TRAPPC9: variants seen among roughly 807,000 people sequenced by gnomAD.
TRAPPC9 encodes the protein IKK2 binding protein.
A neutral mutation model predicts 124.0 loss-of-function variants in TRAPPC9; 83 were observed. The observed-to-expected ratio is 0.67, with a 90% confidence interval of 0.56 to 0.80. The LOEUF is 0.80. Among genes scored for constraint, TRAPPC9 ranks in the 30% least tolerant of loss-of-function variants. TRAPPC9 has a pLI of 0.00. For synonymous variants in TRAPPC9, 638 were observed against 617.5 expected, an observed-to-expected ratio of 1.03 and a Z score of -0.49; for missense variants, 1,302 against 1,508.3, an observed-to-expected ratio of 0.86 and a Z score of 2.27.
intron 21 of TRAPPC9, among the ~76,000 whole-genome samples, chr8:139,866,764 C>CTGTG (rs139054349): frequency 0.018 from 2,747 of 151,232 alleles, 91 homozygotes; most frequent in African/African-American, 0.063. Context: ...GATGTTGAGG[C>CTGTG]TGTGTGTGTG....
chr8:140,056,849 T>C (rs1001780018), intron 17 of TRAPPC9, among the ~76,000 whole-genome samples: 1 of 151,662 alleles, frequency 6.6e-6, no homozygotes. Context: ...ATACAGAAAA[T>C]GAAACAACCA....
intron 4 of TRAPPC9, among the ~76,000 whole-genome samples, chr8:140,432,980 G>T (rs184491118): frequency 2.0e-5 from 3 of 151,842 alleles, no homozygotes. Flanking sequence ...CAATTTTGTT[G>T]AAATACAAAC....
rs1365199231 is a variant in TRAPPC9 at position 140,432,539 on chromosome 8, A to C, written c.859+2573T>G. ...TCCTAGTCCTTGGATTTTGCACTAT[A>C]CCAAAAGCCACCTTAATCTATACCA... On this transcript the variant is annotated intron_variant, in intron 4 of 22. Transcript: ENST00000438773. 3.3e-5 allele frequency among the ~76,000 whole-genome samples: 5 copies of C among 152,192 alleles called. No individual in the cohort carries two copies. The South Asian group carries it at 6.2e-4, about 19-fold the overall frequency.
At chr8:140,348,424 A>G (rs1456821793) in intron 9 of TRAPPC9, among the ~76,000 whole-genome samples, 1 of 152,238 alleles carries the variant, frequency 6.6e-6, no homozygotes, top group South Asian at 2.1e-4. Flanking sequence ...CACACACTCA[A>G]TTAGCAGCCC....
intron 16 of TRAPPC9, among the ~76,000 whole-genome samples, chr8:140,223,739 A>G (rs1315625343): frequency 4.9e-5 from 7 of 143,800 alleles, no homozygotes; most frequent in African/African-American, 1.5e-4. Context: ...ATAGTTCATA[A>G]TTTAAAAAAA....
intron 17 of TRAPPC9, among the ~76,000 whole-genome samples, chr8:140,057,239 G>C (rs902305435): frequency 5.3e-5 from 8 of 152,186 alleles, no homozygotes; most frequent in Non-Finnish European, 1.2e-4. Flanking sequence ...CTGATGGTGG[G>C]AATGGAAAAA....
chr8:140,122,023 T>TTCTCTCTCTCTC (rs533446141), intron 17 of TRAPPC9, among the ~76,000 whole-genome samples: 73 of 138,534 alleles, frequency 5.3e-4, no homozygotes, highest in African/African-American at 1.8e-3. Flanking sequence ...CTTTCTTTCT[T>TTCTCTCTCTCTC]TCTCTCTCTC....
intron 7 of TRAPPC9, among the ~76,000 whole-genome samples, chr8:140,382,860 C>T (rs1221166767): frequency 1.3e-5 from 2 of 152,126 alleles, no homozygotes; most frequent in Non-Finnish European, 2.9e-5. Flanking sequence ...CAGACTACCT[C>T]CTCAAGTGGG....
intron 17 of TRAPPC9, among the ~76,000 whole-genome samples, chr8:140,025,831 T>C (rs185729523): frequency 1.3e-5 from 2 of 152,356 alleles, no homozygotes; most frequent in African/African-American, 4.8e-5. Context: ...ATTCTTGTAA[T>C]GTGGCAAAGT....
chr8:140,071,336 T>G (rs747650632), intron 17 of TRAPPC9, among the ~76,000 whole-genome samples: 16 of 152,202 alleles, frequency 1.1e-4, no homozygotes, highest in Admixed American at 2.0e-4. Context: ...GCGGTCATGC[T>G]GCTCAGTCCC....
intron 20 of TRAPPC9, among the ~76,000 whole-genome samples, chr8:139,896,255 A>T (rs1830661286): frequency 6.6e-6 from 1 of 152,232 alleles, no homozygotes; most frequent in Admixed American, 6.5e-5. Flanking sequence ...CAATGGTGGC[A>T]GTGATGGGGG....
intron 21 of TRAPPC9, among the ~76,000 whole-genome samples, chr8:139,748,680 G>A (rs1015965530): frequency 4.6e-5 from 7 of 152,034 alleles, no homozygotes; most frequent in African/African-American, 1.2e-4. Context: ...TGCCATTGGC[G>A]TGTCTAGCGC....
intron 17 of TRAPPC9, among the ~76,000 whole-genome samples, chr8:140,079,814 C>G (rs1587662069): frequency 6.6e-6 from 1 of 152,126 alleles, no homozygotes; most frequent in African/African-American, 2.4e-5. Context: ...CCTGTAATCC[C>G]AGCTACTCAG....
chr8:140,288,496 G>A (rs2065553911), intron 12 of TRAPPC9, among the ~76,000 whole-genome samples: 5 of 152,160 alleles, frequency 3.3e-5, no homozygotes, highest in Admixed American at 3.3e-4. Flanking sequence ...CAAGACGGTG[G>A]CCCATGATTG....
chr8:139,922,471 C>T (rs527800853), intron 19 of TRAPPC9, among the ~76,000 whole-genome samples: 1 of 152,234 alleles, frequency 6.6e-6, no homozygotes, highest in Non-Finnish European at 1.5e-5. Context: ...CGTGAGCCAC[C>T]GCTCCTGGCC....
intron 17 of TRAPPC9, among the ~76,000 whole-genome samples, chr8:140,200,870 T>C (rs990584409): frequency 1.3e-5 from 2 of 152,218 alleles, no homozygotes; most frequent in Non-Finnish European, 2.9e-5. Flanking sequence ...TGTACCCTAG[T>C]AATGTACAAC....
rs78892614 is a variant in TRAPPC9 at position 140,200,395 on chromosome 8, G to C, written c.2556+21064C>G. Among the ~76,000 whole-genome samples, 1,372 of 152,214 alleles carry C rather than the reference G, an allele frequency of 9.0e-3. 17 individuals are homozygous for C. The highest frequency in any genetic ancestry group is 0.031 in the African/African-American group (1,297 of 41,524). Reference sequence around the variant, plus strand: ...CCCAGCCCCTGCCTCCAGCCCTAGAGTGTGAGCTCCACTTAGTGATTTGCT... The same window carrying C: ...CCCAGCCCCTGCCTCCAGCCCTAGACTGTGAGCTCCACTTAGTGATTTGCT... On this transcript the variant is annotated intron_variant, in intron 17 of 22. Transcript: ENST00000438773.
intron 16 of TRAPPC9, among the ~76,000 whole-genome samples, chr8:140,245,912 G>A (rs749571049): frequency 1.3e-5 from 2 of 152,158 alleles, no homozygotes; most frequent in African/African-American, 2.4e-5. Flanking sequence ...ATCTATTAGG[G>A]ATGGCAAAAT....
rs2063448308 is a variant in TRAPPC9 at position 140,226,248 on chromosome 8, A to G, written c.2432-4665T>C. On this transcript the variant is annotated intron_variant, in intron 16 of 22. Transcript: ENST00000438773. ...CCCTCCTTTGAGATTTGATTTACAA[A>G]TTCTAGGAAGAAAAGACTCCGGTTT... Among the ~76,000 whole-genome samples, 3 of 152,320 alleles carry G rather than the reference A, an allele frequency of 2.0e-5. No individual in the cohort carries two copies. In the South Asian group the frequency reaches 6.2e-4, roughly 32 times the overall value.
Sources: gnomAD v4.1 joint callset for allele counts (sites outside exome capture counted in the v4.1 genomes callset) on GRCh38, gnomAD v4.1.1 for gene constraint, MANE v1.5 for transcripts, NCBI Gene and HGNC (gene_info 2026-07-23, HGNC 2026-07-21) for gene names.